Variants in SDK2 observed in about 807,000 individuals in gnomAD.
SDK2 encodes protein sidekick-2.
A neutral mutation model predicts 253.9 loss-of-function variants in SDK2; 105 were observed. That is an observed-to-expected ratio of 0.41 (90% CI 0.35 to 0.49). The LOEUF (loss-of-function observed/expected upper bound fraction) is 0.49, where lower values mean the gene tolerates loss of function less well. Among genes scored for constraint, SDK2 ranks in the 20% least tolerant of loss-of-function variants. SDK2 has a pLI of 0.06. For synonymous variants in SDK2, 1,249 were observed against 1,234.9 expected (o/e 1.01, Z -0.24); for missense variants, 2,608 against 3,003.0 (o/e 0.87, Z 3.07).
At chr17:73,385,366 C>T (rs2062863851) in intron 32 of SDK2, among the ~76,000 whole-genome samples, 1 of 152,182 alleles carries the variant, frequency 6.6e-6, no homozygotes, top group Non-Finnish European at 1.5e-5. Flanking sequence ...GGGCATTTCT[C>T]TCTACTTGCA....
intron 1 of SDK2, among the ~76,000 whole-genome samples, chr17:73,606,311 C>A (rs1000820106): frequency 6.6e-6 from 1 of 151,866 alleles, no homozygotes; most frequent in Non-Finnish European, 1.5e-5. Flanking sequence ...CTGGGTGGGG[C>A]AGGGCCCCCC....
intron 39 of SDK2, among the ~76,000 whole-genome samples, chr17:73,359,905 ATGT>A (rs2062627093): frequency 6.6e-6 from 1 of 152,142 alleles, no homozygotes; most frequent in Non-Finnish European, 1.5e-5. Flanking sequence ...ACCTCCCAAA[ATGT>A]TGGGATTACA....
In SDK2 at chr17:73,334,750, T is replaced by C. The variant is rs2062365458; in HGVS notation, c.*3837A>G. ...ACCTGTGCTCAGGTGGTGGTCAGGATTGCCATGTGCGCATGCCCATGGGTG... is the reference window on the plus strand; with the variant it reads ...ACCTGTGCTCAGGTGGTGGTCAGGACTGCCATGTGCGCATGCCCATGGGTG... On this transcript the variant is annotated 3_prime_UTR_variant, in exon 45 of 45. Transcript: ENST00000392650. The C allele has an allele frequency of 6.6e-6, 1 of 152,276 alleles. No individual in the cohort carries two copies. Among genetic ancestry groups the C allele is most frequent in the East Asian group, 1.9e-4 (1 of 5,156 alleles). 9.4% of individuals were successfully genotyped at this position (152,276 alleles called of 1,614,324 possible).
intron 3 of SDK2, among the ~76,000 whole-genome samples, chr17:73,460,067 A>ATTCAAG (rs1208609547): frequency 1.3e-5 from 2 of 152,180 alleles, no homozygotes; most frequent in African/African-American, 4.8e-5. Context: ...CCTTGAATCT[A>ATTCAAG]GGGACCTTGT....
intron 8 of SDK2, 35 bp downstream of exon 8, chr17:73,437,704 G>A (rs375295939): frequency 1.3e-6 from 2 of 1,545,966 alleles, no homozygotes; most frequent in Non-Finnish European, 1.8e-6. Flanking sequence ...AAGATCTGGG[G>A]TCTTTGTCCC....
chr17:73,368,585 G>T lies in SDK2; in HGVS notation c.4989C>A (p.Phe1663Leu). 6.3e-7 allele frequency: 1 copy of T among 1,580,584 alleles called. No individual in the cohort carries two copies. The highest frequency in any genetic ancestry group is 1.2e-5 in the South Asian group (1 of 85,544). The change falls in exon 37 of 45, where the codon TTC becomes TTA. Residue 1663 changes from phenylalanine to leucine, a missense_variant. Phe to Leu is a conservative substitution (Grantham distance 22). Around this residue, in one of 2 missense-constraint regions of SDK2, gnomAD observed 1,103 missense variants for 1,143.9 expected, o/e 0.96. Transcript: ENST00000392650. ...TGAGGTTCCCCCGCTGGGCTTCCCA[G>T]AAATAAATCTGTGGGAACAGAAGGA... The part of the protein sequence containing the change: ...NGDIQGYKIY[F>L]WEAQRGNLTE...
In SDK2 at chr17:73,446,645, G is replaced by A. The variant is rs147160346; in HGVS notation, c.613+970C>T. ...GGCTGGTCCACACCCTCATCTTGCC[G>A]CTGGTGGGCAAGTACCATCGTGACC... On this transcript the variant is annotated intron_variant, in intron 5 of 44. Transcript: ENST00000392650. 2.5e-3 allele frequency among the ~76,000 whole-genome samples: 383 copies of A among 152,292 alleles called. 14 individuals are homozygous for A. The East Asian group carries it at 0.065, about 26-fold the overall frequency.
Position 73,541,667 on chromosome 17 carries a change from T to A in SDK2, c.65-34070A>T, listed in dbSNP as rs2044871113. Among the ~76,000 whole-genome samples the A allele has an allele frequency of 6.6e-6, 1 of 152,178 alleles. No individual in the cohort carries two copies. On this transcript the variant is annotated intron_variant, in intron 1 of 44. Coordinates refer to ENST00000392650, the MANE Select transcript of SDK2 (RefSeq NM_001144952.2). This position sits in a 1 kb window ranked among gnomAD's most constrained non-coding sequence, Gnocchi z 4.3. ...CTTCCTGATTTTGCCTGCTTTTGTT[T>A]GGTTTGATATGAAAATGAGTTTGCC...
chr17:73,530,384 T>G (rs2064159982), intron 1 of SDK2, among the ~76,000 whole-genome samples: 3 of 152,022 alleles, frequency 2.0e-5, no homozygotes, highest in Non-Finnish European at 1.5e-5. Context: ...AAATCATCCA[T>G]CAGCTCTCAT....
chr17:73,428,229 AT>A (rs1269094664), intron 12 of SDK2, among the ~76,000 whole-genome samples: 2 of 151,834 alleles, frequency 1.3e-5, no homozygotes, highest in Non-Finnish European at 2.9e-5. Context: ...GGCTGAGCTA[AT>A]TTTTTTTGTA....
At chr17:73,515,860 A>G (rs2064022289) in intron 1 of SDK2, among the ~76,000 whole-genome samples, 1 of 152,190 alleles carries the variant, frequency 6.6e-6, no homozygotes, top group East Asian at 1.9e-4. Flanking sequence ...CATCAGTGAA[A>G]CAGATGGAAA....
chr17:73,364,531 G>A (rs915099456), intron 38 of SDK2, among the ~76,000 whole-genome samples: 2 of 152,136 alleles, frequency 1.3e-5, no homozygotes, highest in South Asian at 4.2e-4. Context: ...TCCCACCAAA[G>A]CTAAAGAAGG....
rs370278678 is a variant in SDK2, at chr17:73,402,110, T to C, written c.2516A>G (p.Glu839Gly). The C allele has an allele frequency of 1.8e-5, 29 of 1,613,904 alleles. No individual in the cohort carries two copies. The South Asian group carries it at 2.9e-4, about 16-fold the overall frequency. ...AGGCCGGGCGGTCACCATGGTAACC[T>C]CCTCTTCCTGTTCCGGCTCCCAGGC... is the stretch of plus-strand genomic sequence containing the variant. ...LIAWEPEQEE[E>G]VTMVTARPNF... is the part of the protein sequence containing the mutation. The change falls in exon 19 of 45, where the codon GAG becomes GGG. Residue 839 changes from glutamate to glycine, a missense_variant. By Grantham distance (98) the Glu-to-Gly change is moderately conservative. Around this residue, in one of 2 missense-constraint regions of SDK2, gnomAD observed 1,505 missense variants for 1,859.1 expected, o/e 0.81. Transcript: ENST00000392650.
At chr17:73,553,572 CA>C (rs758261880) in intron 1 of SDK2, among the ~76,000 whole-genome samples, 61 of 152,238 alleles carry the variant, frequency 4.0e-4, no homozygotes, top group African/African-American at 8.4e-4. Context: ...CAAGGAAGGA[CA>C]GGGGGGGACA....
At chr17:73,359,380 C>G (rs776522852) in intron 39 of SDK2, among the ~76,000 whole-genome samples, 6 of 152,178 alleles carry the variant, frequency 3.9e-5, no homozygotes, top group Non-Finnish European at 5.9e-5. Flanking sequence ...GGCACCATTT[C>G]CTTCCTTCCC....
At chr17:73,380,780 C>A (rs1239490945) in intron 34 of SDK2, 114 bp downstream of exon 34, 3 of 901,732 alleles carry the variant, frequency 3.3e-6, no homozygotes, top group Non-Finnish European at 5.4e-6. Context: ...TTTCTTAAGC[C>A]CCCTGGGGTG....
chr17:73,346,220 A>G (rs1327990610), intron 44 of SDK2, among the ~76,000 whole-genome samples: 1 of 152,042 alleles, frequency 6.6e-6, no homozygotes, highest in Non-Finnish European at 1.5e-5. Flanking sequence ...AGAAAAAAAA[A>G]AAAAAAGAAA....
At chr17:73,487,745 A>G (rs1314262305) in intron 2 of SDK2, among the ~76,000 whole-genome samples, 3 of 152,208 alleles carry the variant, frequency 2.0e-5, no homozygotes, top group Admixed American at 6.5e-5. Context: ...CAAGGCTTCA[A>G]ATGGGAAACG....
chr17:73,476,882 C>A (rs1029208034), intron 2 of SDK2, among the ~76,000 whole-genome samples: 2 of 152,162 alleles, frequency 1.3e-5, no homozygotes, highest in Non-Finnish European at 2.9e-5. Context: ...CCTCTGCGAT[C>A]GAGGGCAGGT....
Sources: gnomAD v4.1 joint callset for allele counts (sites outside exome capture counted in the v4.1 genomes callset) on GRCh38, gnomAD v4.1.1 for gene constraint, gnomAD v4.1.1 regional missense constraint, Gnocchi (gnomAD v3.1) non-coding constraint, MANE v1.5 for transcripts, NCBI Gene and HGNC (gene_info 2026-07-23, HGNC 2026-07-21) for gene names.